Variants in CCDC192 observed in about 807,000 individuals in gnomAD.
CCDC192 encodes the protein coiled-coil domain-containing protein 192.
intron 2 of CCDC192, among the ~76,000 whole-genome samples, chr5:127,747,662 G>C (rs887180515): frequency 1.3e-5 from 2 of 152,048 alleles, no homozygotes; most frequent in African/African-American, 4.8e-5. Flanking sequence ...TCCAGTTCTA[G>C]ATCCCTGGGG....
rs1226033235 is a variant in CCDC192, at chr5:127,875,750, C to G, written c.535+89C>G. On this transcript the variant is annotated intron_variant, in intron 6 of 6. Transcript: ENST00000514853. ...TGGCAACGAAGCAAAAAAAACGAGGCTACAGGCCTGGTCTGACCTCTGTGT... is the reference window on the plus strand; with the variant it reads ...TGGCAACGAAGCAAAAAAAACGAGGGTACAGGCCTGGTCTGACCTCTGTGT... The G allele has an allele frequency of 1.3e-5, 5 of 396,020 alleles. No homozygotes were observed. In the Admixed American group the frequency reaches 1.3e-4, roughly 10 times the overall value. The allele number at this position is 396,020 out of a possible 1,614,324, so 24.5% of individuals were successfully genotyped here.
chr5:127,801,906 G>A (rs773615207), intron 5 of CCDC192, among the ~76,000 whole-genome samples: 15 of 152,204 alleles, frequency 9.9e-5, no homozygotes, highest in Non-Finnish European at 2.1e-4. Context: ...GACATTATCT[G>A]TTGGCTACCT....
At chr5:127,787,695 T>C (rs540097497) in intron 3 of CCDC192, among the ~76,000 whole-genome samples, 1 of 152,214 alleles carries the variant, frequency 6.6e-6, no homozygotes, top group Non-Finnish European at 1.5e-5. Flanking sequence ...AAAAAATGTA[T>C]ATTTTTCTGT....
intron 6 of CCDC192, among the ~76,000 whole-genome samples, chr5:127,939,439 T>G (rs551608571): frequency 6.6e-6 from 1 of 152,278 alleles, no homozygotes; most frequent in African/African-American, 2.4e-5. Flanking sequence ...TCTTAAATAT[T>G]ATTGTTATAA....
At chr5:127,905,421 T>C (rs933716135) in intron 6 of CCDC192, among the ~76,000 whole-genome samples, 1 of 152,242 alleles carries the variant, frequency 6.6e-6, no homozygotes, top group African/African-American at 2.4e-5. Context: ...GTTTACATCA[T>C]ATAATGATGA....
At chr5:127,756,026 G>A (rs573945897) in intron 3 of CCDC192, among the ~76,000 whole-genome samples, 4 of 152,044 alleles carry the variant, frequency 2.6e-5, no homozygotes, top group Non-Finnish European at 4.4e-5. Context: ...CCAGGTACTC[G>A]GGAGGCTGAG....
intron 2 of CCDC192, among the ~76,000 whole-genome samples, chr5:127,730,961 G>A (rs1163380996): frequency 2.0e-5 from 3 of 151,848 alleles, no homozygotes; most frequent in African/African-American, 7.3e-5. Context: ...AGGCCAAGAC[G>A]AGGATGCCCT....
chr5:127,909,951 A>C lies in CCDC192; in HGVS notation c.536-31231A>C, dbSNP rs1357164384. On this transcript the variant is annotated intron_variant, in intron 6 of 6. Transcript: ENST00000514853. ...ACAAGGATCAAATTTCCGTATTTTCAAAATGTGCTCATTTTAATTTGGCAC... is the reference window on the plus strand; with the variant it reads ...ACAAGGATCAAATTTCCGTATTTTCCAAATGTGCTCATTTTAATTTGGCAC... 4.6e-5 allele frequency among the ~76,000 whole-genome samples: 7 copies of C among 152,342 alleles called. No individual in the cohort carries two copies. The South Asian group carries it at 1.5e-3, about 32-fold the overall frequency.
chr5:127,790,235 C>CTTCTTTCA lies in CCDC192; in HGVS notation c.223-6865_223-6858dup, dbSNP rs1179118418. Among the ~76,000 whole-genome samples the CTTCTTTCA allele has an allele frequency of 2.0e-5, 3 of 152,284 alleles. No homozygotes were observed. The East Asian group carries it at 5.8e-4, about 29-fold the overall frequency. Reference sequence around the variant, plus strand: ...TGTATGTGGGACTCATCACCCCTTCCTTCTTTCATTTTTCTCCCTTCTGGA... The same window carrying CTTCTTTCA: ...TGTATGTGGGACTCATCACCCCTTCCTTCTTTCATTCTTTCATTTTTCTCCCTTCTGGA... On this transcript the variant is annotated intron_variant, in intron 3 of 6. Coordinates refer to ENST00000514853, the MANE Select transcript of CCDC192 (RefSeq NM_001317938.2).
In CCDC192 at chr5:127,830,763, G is replaced by GAA. The variant is rs59551951; in HGVS notation, c.411+32613_411+32614dup. Among the ~76,000 whole-genome samples the GAA allele has an allele frequency of 4.5e-4, 55 of 123,276 alleles. 1 individual carries two copies. The highest frequency in any genetic ancestry group is 2.0e-4 in the African/African-American group (7 of 34,272). The allele number at this position is 123,276 out of a possible 152,430, so 80.9% of individuals were successfully genotyped here. ...CAAGAACAATGCTAAAGGTTTTTGA[G>GAA]AAAAAAAAAAAAACAGGAAAGTTTC... On this transcript the variant is annotated intron_variant, in intron 5 of 6. Transcript: ENST00000514853.
intron 5 of CCDC192, among the ~76,000 whole-genome samples, chr5:127,870,757 T>G (rs939709599): frequency 6.6e-6 from 1 of 152,232 alleles, no homozygotes; most frequent in Non-Finnish European, 1.5e-5. Context: ...TCCCTAGACT[T>G]TATAATATTC....
At chr5:127,934,939 A>G (rs368667836) in intron 6 of CCDC192, among the ~76,000 whole-genome samples, 1 of 152,236 alleles carries the variant, frequency 6.6e-6, no homozygotes, top group African/African-American at 2.4e-5. Context: ...CAGAGGAGGA[A>G]GCTGACATTG....
chr5:127,763,507 A>G (rs1350541457), intron 3 of CCDC192, among the ~76,000 whole-genome samples: 1 of 152,120 alleles, frequency 6.6e-6, no homozygotes, highest in African/African-American at 2.4e-5. Flanking sequence ...TGACTCCTCA[A>G]CACTACACCA....
At chr5:127,733,425 A>G (rs1346759612) in intron 2 of CCDC192, among the ~76,000 whole-genome samples, 1 of 152,138 alleles carries the variant, frequency 6.6e-6, no homozygotes, top group African/African-American at 2.4e-5. Flanking sequence ...ATTTTTATAG[A>G]TGAGGAAATA....
At chr5:127,814,909 A>T (rs1469226101) in intron 5 of CCDC192, among the ~76,000 whole-genome samples, 1 of 152,174 alleles carries the variant, frequency 6.6e-6, no homozygotes, top group Non-Finnish European at 1.5e-5. Flanking sequence ...CAGTATGGCG[A>T]ATTTTTAAAA....
chr5:127,901,293 C>T (rs542812070), intron 6 of CCDC192, among the ~76,000 whole-genome samples: 1 of 151,928 alleles, frequency 6.6e-6, no homozygotes, highest in Non-Finnish European at 1.5e-5. Flanking sequence ...AAAATTATTC[C>T]TAAATAATAA....
chr5:127,921,854 T>C (rs1006264688), intron 6 of CCDC192, among the ~76,000 whole-genome samples: 9 of 152,186 alleles, frequency 5.9e-5, no homozygotes, highest in African/African-American at 1.9e-4. Flanking sequence ...TATCTTAGAA[T>C]ATATAAATAA....
chr5:127,865,136 G>A (rs1751552684), intron 5 of CCDC192, among the ~76,000 whole-genome samples: 1 of 152,016 alleles, frequency 6.6e-6, no homozygotes, highest in Admixed American at 6.6e-5. Flanking sequence ...GACAGAGCGA[G>A]ATGCCGACTC....
At chr5:127,921,217 G>A (rs1753711884) in intron 6 of CCDC192, among the ~76,000 whole-genome samples, 1 of 151,452 alleles carries the variant, frequency 6.6e-6, no homozygotes, top group African/African-American at 2.4e-5. Context: ...GAGAGTAGTG[G>A]AGGAAGGAAG....
Sources: gnomAD v4.1 joint callset for allele counts (sites outside exome capture counted in the v4.1 genomes callset) on GRCh38, gnomAD v4.1.1 for gene constraint, MANE v1.5 for transcripts, NCBI Gene and HGNC (gene_info 2026-07-23, HGNC 2026-07-21) for gene names.